UNC13D: variants seen among roughly 807,000 people sequenced by gnomAD.
The protein encoded by UNC13D is protein unc-13 homolog D.
A neutral mutation model predicts 151.7 loss-of-function variants in UNC13D; 115 were observed. The observed-to-expected ratio is 0.76, with a 90% CI of 0.65 to 0.88. The LOEUF is 0.88. Among genes scored for constraint, UNC13D ranks in the 40% least tolerant of loss-of-function variants. The probability of loss-of-function intolerance (pLI) is 0.00; values close to 1 mark genes in which losing one functional copy is unlikely to be tolerated. For missense variants in UNC13D, 1,369 were observed against 1,438.7 expected, an observed-to-expected ratio of 0.95 and a Z score of 0.78; for synonymous variants, 588 against 612.2, an observed-to-expected ratio of 0.96 and a Z score of 0.58.
chr17:75,841,116 C>T, intron 6 of UNC13D, 115 bp from the exon 7 acceptor site: 2 of 1,017,194 alleles, frequency 2.0e-6, no homozygotes, highest in East Asian at 4.8e-5. Context: ...GCCAAACTTC[C>T]CTCCTCCCAG....
At chr17:75,829,726 G>C (rs112865816) in intron 30 of UNC13D, 5,744 of 365,112 alleles carry the variant, frequency 0.016, 72 homozygotes, top group Middle Eastern at 0.022. Flanking sequence ...GAGTAGCTGA[G>C]AGTACAGGTA....
At position 75,827,466 on chromosome 17, in the gene UNC13D, C is replaced by G. The variant is rs1290861562; in HGVS notation, c.*499G>C. ...AGCCCCTGGGGAGAGGACCCAGGCC[C>G]CCTCTAGTAATGGCCACCACCCTCC... On this transcript the variant is annotated 3_prime_UTR_variant, in exon 32 of 32. Coordinates refer to ENST00000207549, the MANE Select transcript of UNC13D (RefSeq NM_199242.3). The G allele has an allele frequency of 4.1e-6, 6 of 1,463,036 alleles. No homozygotes were observed. Among genetic ancestry groups the G allele is most frequent in the Non-Finnish European group, 4.5e-6 (5 of 1,108,114 alleles). The allele number at this position is 1,463,036 out of a possible 1,614,324, so 90.6% of individuals were successfully genotyped here. A position where few individuals can be genotyped will look rare whatever the true frequency, so the allele number is the denominator to read the frequency against.
chr17:75,839,670 C>T (rs1169168569), intron 12 of UNC13D, among the ~76,000 whole-genome samples, 169 bp downstream of exon 12: 1 of 152,126 alleles, frequency 6.6e-6, no homozygotes, highest in Non-Finnish European at 1.5e-5. Context: ...ACCGCATCAG[C>T]CGAATCTCTA....
chr17:75,830,456 C>T lies in UNC13D; in HGVS notation c.2736G>A (p.Gly912=). 1.9e-6 allele frequency: 3 copies of T among 1,589,162 alleles called. No individual in the cohort carries two copies. The highest frequency in any genetic ancestry group is 2.6e-6 in the Non-Finnish European group (3 of 1,168,578). Residue 912 remains glycine, a synonymous_variant, in exon 29 of 32, where the codon GGG becomes GGA. Transcript: ENST00000207549. ...QQAETTSEEL[G]AVTVKASYRA... is the part of the protein sequence containing the mutation. The stretch of plus-strand genomic sequence containing the variant: ...GGTAGGAGGCCTTGACTGTCACAGC[C>T]CCCAGCTCCTCAGAGGTGGTTTCTG...
rs1197820654 is a variant in UNC13D at position 75,828,751 on chromosome 17, C to T, written c.3151+36G>A. On this transcript the variant is annotated intron_variant, in intron 31 of 31. Transcript: ENST00000207549. ...CCCCTGCCTGAGCTTTACAGGCTCC[C>T]GTCCCCGCACCACCCTGCCCTGGGC... 13 of 1,493,582 alleles carry T rather than the reference C, an allele frequency of 8.7e-6. No homozygotes were observed. The East Asian group carries it at 1.0e-4, about 12-fold the overall frequency. The allele number at this position is 1,493,582 out of a possible 1,614,324, so 92.5% of individuals were successfully genotyped here. A position where few individuals can be genotyped will look rare whatever the true frequency, so the allele number is the denominator to read the frequency against.
At position 75,827,806 on chromosome 17, in the gene UNC13D, A is replaced by T; in HGVS notation, c.*159T>A. The T allele has an allele frequency of 6.7e-7, 1 of 1,484,810 alleles. No individual in the cohort carries two copies. The highest frequency in any genetic ancestry group is 1.3e-5 in the South Asian group (1 of 76,884). 92.0% of individuals were successfully genotyped at this position (1,484,810 alleles called of 1,614,324 possible). A position where few individuals can be genotyped will look rare whatever the true frequency, so the allele number is the denominator to read the frequency against. ...GCTGCTGAGCCCCCATCACCATGGGAGGCAGGGGAGGTCTGCACTCTGGGC... is the reference window on the plus strand; with the variant it reads ...GCTGCTGAGCCCCCATCACCATGGGTGGCAGGGGAGGTCTGCACTCTGGGC... On this transcript the variant is annotated 3_prime_UTR_variant, in exon 32 of 32. Coordinates refer to ENST00000207549, the MANE Select transcript of UNC13D (RefSeq NM_199242.3).
At chr17:75,829,493 C>T (rs895906202) in intron 30 of UNC13D, among the ~76,000 whole-genome samples, 3 of 151,832 alleles carry the variant, frequency 2.0e-5, no homozygotes, top group Non-Finnish European at 4.4e-5. Context: ...CGGGGTTTCA[C>T]CATGTTAGCC....
Position 75,830,568 on chromosome 17 carries a change from G to A in UNC13D, c.2709+10C>T, listed in dbSNP as rs768489632. On this transcript the variant is annotated intron_variant, in intron 28 of 31. Transcript: ENST00000207549. Reference sequence around the variant, plus strand: ...CCTGCAGAGGGCGCAGTGCGAGGGAGGGGCCTCACCTGCTGCTGGATTCGG... The same window carrying A: ...CCTGCAGAGGGCGCAGTGCGAGGGAAGGGCCTCACCTGCTGCTGGATTCGG... 1.3e-6 allele frequency: 2 copies of A among 1,565,078 alleles called. No individual in the cohort carries two copies. The highest frequency in any genetic ancestry group is 1.7e-6 in the Non-Finnish European group (2 of 1,154,702).
chr17:75,827,729 G>C lies in UNC13D; in HGVS notation c.*236C>G. The stretch of plus-strand genomic sequence containing the variant: ...TTGCTCCCCCTGGTGCTGGGATGTG[G>C]TAGAGACATTGCAGCCAGGGCTGGA... On this transcript the variant is annotated 3_prime_UTR_variant, in exon 32 of 32. Coordinates refer to ENST00000207549, the MANE Select transcript of UNC13D (RefSeq NM_199242.3). The C allele has an allele frequency of 6.7e-7, 1 of 1,501,588 alleles. No homozygotes were observed. Among genetic ancestry groups the C allele is most frequent in the East Asian group, 2.5e-5 (1 of 40,340 alleles). The allele number at this position is 1,501,588 out of a possible 1,614,324, so 93.0% of individuals were successfully genotyped here. A position where few individuals can be genotyped will look rare whatever the true frequency, so the allele number is the denominator to read the frequency against.
chr17:75,834,052 C>G, intron 24 of UNC13D, 23 bp downstream of exon 24: 1 of 1,613,374 alleles, frequency 6.2e-7, no homozygotes, highest in South Asian at 1.1e-5. Flanking sequence ...TGGTGAAGGC[C>G]AGCAGGCAGA....
rs1206323274 is a variant in UNC13D, at chr17:75,827,510, C to T, written c.*455G>A. On this transcript the variant is annotated 3_prime_UTR_variant, in exon 32 of 32. Coordinates refer to ENST00000207549, the MANE Select transcript of UNC13D (RefSeq NM_199242.3). Reference sequence around the variant, plus strand: ...ACCCTCCCCCCAGGGCAGCTGGAGCCTCATCTTTGGCAGGGTCCCCTCTCC... The same window carrying T: ...ACCCTCCCCCCAGGGCAGCTGGAGCTTCATCTTTGGCAGGGTCCCCTCTCC... 2 of 1,529,022 alleles carry T rather than the reference C, an allele frequency of 1.3e-6. No homozygotes were observed. Among genetic ancestry groups the T allele is most frequent in the Admixed American group, 4.0e-5 (2 of 50,550 alleles). The allele number at this position is 1,529,022 out of a possible 1,614,324, so 94.7% of individuals were successfully genotyped here.
chr17:75,831,375 C>T, intron 25 of UNC13D, 27 bp from the exon 26 acceptor site: 4 of 1,595,574 alleles, frequency 2.5e-6, no homozygotes, highest in South Asian at 1.1e-5. Context: ...GGGATGCGGA[C>T]ACAGCACGGC....
Position 75,834,461 on chromosome 17 carries a change from C to T in UNC13D, c.2162G>A (p.Trp721Ter). The change falls in exon 23 of 32, where the codon TGG (tryptophan) becomes TAG (stop). Residue 721 changes from tryptophan (W) to a stop codon, truncating the protein, a stop_gained. Transcript: ENST00000207549. LOFTEE classifies it high-confidence loss of function. ...VIGKLPAQLA[W>*]EALEQRVGAV... ...CCCTACCCGCTGCTCCAGGGCCTCC[C>T]ATGCCAGCTGGGCGGGCAACTTGCC... 1 of 1,564,954 alleles carries T rather than the reference C, an allele frequency of 6.4e-7. No homozygotes were observed. Among genetic ancestry groups the T allele is most frequent in the Non-Finnish European group, 8.6e-7 (1 of 1,158,014 alleles).
Position 75,827,817 on chromosome 17 carries a change from G to T in UNC13D, c.*148C>A, listed in dbSNP as rs1181936365. 6.7e-6 allele frequency: 10 copies of T among 1,494,368 alleles called. No homozygotes were observed. In the African/African-American group the frequency reaches 1.2e-4, roughly 19 times the overall value. 92.6% of individuals were successfully genotyped at this position (1,494,368 alleles called of 1,614,324 possible). A position where few individuals can be genotyped will look rare whatever the true frequency, so the allele number is the denominator to read the frequency against. On this transcript the variant is annotated 3_prime_UTR_variant, in exon 32 of 32. Coordinates refer to ENST00000207549, the MANE Select transcript of UNC13D (RefSeq NM_199242.3). ...CCCATCACCATGGGAGGCAGGGGAGGTCTGCACTCTGGGCACTCCGCATGC... is the reference window on the plus strand; with the variant it reads ...CCCATCACCATGGGAGGCAGGGGAGTTCTGCACTCTGGGCACTCCGCATGC...
Position 75,840,074 on chromosome 17 carries a change from T to C in UNC13D, c.895A>G (p.Thr299Ala). Residue 299 changes from threonine (T) to alanine (A), a missense_variant, in exon 11 of 32, where the codon ACC becomes GCC. Coordinates refer to ENST00000207549, the MANE Select transcript of UNC13D (RefSeq NM_199242.3). The surrounding 1 kb of genome is among the most constrained non-coding windows in gnomAD (Gnocchi z 4.6). ...TGCTGCAGGAGGTGGAGGTGCACGG[T>C]GTAGCTCGGCTGCGAGCGGCTGGCC... The part of the protein sequence containing the change: ...TSASRSQPSY[T>A]VHLHLLQQLV... The C allele has an allele frequency of 6.2e-7, 1 of 1,613,486 alleles. No individual in the cohort carries two copies. Among genetic ancestry groups the C allele is most frequent in the Non-Finnish European group, 8.5e-7 (1 of 1,179,946 alleles).
chr17:75,842,111 C>A lies in UNC13D; in HGVS notation c.569+322G>T, dbSNP rs192934164. Among the ~76,000 whole-genome samples, 182 of 152,320 alleles carry A rather than the reference C, an allele frequency of 1.2e-3. 2 individuals carry two copies. The highest frequency in any genetic ancestry group is 1.8e-3 in the Admixed American group (27 of 15,306). On this transcript the variant is annotated intron_variant, in intron 6 of 31. Transcript: ENST00000207549. Reference sequence around the variant, plus strand: ...GGCCAGGCTGGTCTCAGTCTCCTGGCCTCCCAAAGTGCTGGGATTACAGGT... The same window carrying A: ...GGCCAGGCTGGTCTCAGTCTCCTGGACTCCCAAAGTGCTGGGATTACAGGT...
intron 1 of UNC13D, chr17:75,843,919 C>T (rs2064967671): frequency 1.4e-6 from 2 of 1,380,640 alleles, no homozygotes; most frequent in Non-Finnish European, 1.9e-6. Flanking sequence ...GCAGGGACAC[C>T]CCCACCTAAT....
At chr17:75,829,984 G>A (rs774891090) in intron 30 of UNC13D, 44 bp downstream of exon 30, 2 of 1,562,090 alleles carry the variant, frequency 1.3e-6, no homozygotes, top group East Asian at 4.7e-5. Context: ...GCCCAGTGGG[G>A]AGAGATGAGG....
chr17:75,837,051 G>T, intron 12 of UNC13D, 133 bp from the exon 13 acceptor site: 2 of 563,900 alleles, frequency 3.5e-6, no homozygotes, highest in Non-Finnish European at 5.7e-6. Flanking sequence ...AACAGGACAT[G>T]CAGGATTGTT....
Sources: allele counts gnomAD v4.1 joint callset (sites outside exome capture counted in the v4.1 genomes callset), GRCh38; gene constraint gnomAD v4.1.1; non-coding constraint Gnocchi (gnomAD v3.1); transcripts MANE v1.5; gene names NCBI Gene and HGNC (gene_info 2026-07-23, HGNC 2026-07-21).